Variants in ZFHX3 observed in about 807,000 individuals in gnomAD.
The protein encoded by ZFHX3 is zinc finger homeobox 3.
Under a neutral mutation model 279.1 loss-of-function variants are expected in ZFHX3, and 42 were observed. The ratio of observed to expected loss-of-function variants is 0.15; its 90% CI spans 0.12 to 0.19. The LOEUF (loss-of-function observed/expected upper bound fraction) is 0.19. ZFHX3 is among the 10% of genes least tolerant of loss of function. The pLI is 1.00. For synonymous variants in ZFHX3, 2,293 were observed against 1,957.8 expected, an observed-to-expected ratio of 1.17 and a Z score of -4.52; for missense variants, 4,981 against 4,754.0, an observed-to-expected ratio of 1.05 and a Z score of -1.40.
intron 5 of ZFHX3, among the ~76,000 whole-genome samples, chr16:73,243,422 C>G (rs1486592944): frequency 1.3e-5 from 2 of 152,206 alleles, no homozygotes; most frequent in Admixed American, 6.5e-5. Flanking sequence ...GCCAATCAAA[C>G]TGAGGATCCA....
In ZFHX3 at chr16:72,969,037, C is replaced by T. The variant is rs34972348; in HGVS notation, c.-49-8843G>A. Among the ~76,000 whole-genome samples the T allele has an allele frequency of 1.5e-3, 234 of 152,156 alleles. 1 individual carries two copies. The highest frequency in any genetic ancestry group is 2.6e-3 in the Non-Finnish European group (180 of 67,998). On this transcript the variant is annotated intron_variant, in intron 1 of 9. Transcript: ENST00000268489. ...ATAGGAGGAGTCTAGAAGGAGGACACGAGAATTCTTTGTTCTACTGTTAAA... is the reference window on the plus strand; with the variant it reads ...ATAGGAGGAGTCTAGAAGGAGGACATGAGAATTCTTTGTTCTACTGTTAAA...
intron 1 of ZFHX3, among the ~76,000 whole-genome samples, chr16:73,754,386 C>T (rs1483029192): frequency 6.6e-6 from 1 of 151,998 alleles, no homozygotes; most frequent in South Asian, 2.1e-4. Flanking sequence ...TTCTTGACTC[C>T]GGGAAGAGAG....
chr16:73,802,946 G>A (rs1960182287), intron 1 of ZFHX3, among the ~76,000 whole-genome samples: 1 of 152,008 alleles, frequency 6.6e-6, no homozygotes, highest in African/African-American at 2.4e-5. Flanking sequence ...GCCTCCTGAG[G>A]AGCTGGGATC....
chr16:73,777,114 A>G (rs1033333113), intron 1 of ZFHX3, among the ~76,000 whole-genome samples: 2 of 152,018 alleles, frequency 1.3e-5, no homozygotes, highest in Non-Finnish European at 2.9e-5. Context: ...ATCGATCCTA[A>G]TTGCTGTGGT....
chr16:73,152,185 GTC>G (rs2144846887), intron 5 of ZFHX3, among the ~76,000 whole-genome samples: 1 of 152,270 alleles, frequency 6.6e-6, no homozygotes, highest in African/African-American at 2.4e-5. Flanking sequence ...CTCAACTCCA[GTC>G]AGTCATAACA....
At chr16:73,287,632 A>ATTGGTGTGTGGCTGTGTGGG (rs2014656902) in intron 4 of ZFHX3, among the ~76,000 whole-genome samples, 2 of 35,360 alleles carry the variant, frequency 5.7e-5, no homozygotes, top group African/African-American at 2.2e-4. Flanking sequence ...GGCTGTGTGG[A>ATTGGTGTGTGGCTGTGTGGG]TTGGTGTGTG....
intron 4 of ZFHX3, among the ~76,000 whole-genome samples, chr16:73,311,201 C>A (rs1375059263): frequency 6.6e-6 from 1 of 152,038 alleles, no homozygotes; most frequent in Non-Finnish European, 1.5e-5. Flanking sequence ...CCACTGCAAT[C>A]CAGACTGGGG....
At chr16:73,651,816 C>A (rs1484419311) in intron 2 of ZFHX3, among the ~76,000 whole-genome samples, 1 of 146,630 alleles carries the variant, frequency 6.8e-6, no homozygotes, top group Non-Finnish European at 1.5e-5. Context: ...GATCACGCCA[C>A]TGCACTCCAG....
Position 72,797,942 on chromosome 16 carries a change from T to G in ZFHX3, c.4740A>C (p.Ser1580=), listed in dbSNP as rs756523442. ...TGGTGGGTTCTGGCTGACCGGTTGCTGATTCTTGAAGGGCTCTCTTTAACT... is the reference window on the plus strand; with the variant it reads ...TGGTGGGTTCTGGCTGACCGGTTGCGGATTCTTGAAGGGCTCTCTTTAACT... The part of the protein sequence containing the change: ...LHKLKRALQE[S]ATGQPEPTSS... Residue 1580 remains serine, a synonymous_variant, in exon 9 of 10, where the codon TCA becomes TCC. Coordinates refer to ENST00000268489, the MANE Select transcript of ZFHX3 (RefSeq NM_006885.4). 6.2e-7 allele frequency: 1 copy of G among 1,614,218 alleles called. No individual in the cohort carries two copies. Among genetic ancestry groups the G allele is most frequent in the Admixed American group, 1.7e-5 (1 of 60,036 alleles).
At chr16:73,611,836 A>T (rs2052250059) in intron 2 of ZFHX3, among the ~76,000 whole-genome samples, 1 of 152,162 alleles carries the variant, frequency 6.6e-6, no homozygotes, top group Non-Finnish European at 1.5e-5. Context: ...GCAAAATATG[A>T]TCCTAAAAAT....
At chr16:73,886,605 T>C (rs977427764) in intron 1 of ZFHX3, among the ~76,000 whole-genome samples, 1 of 152,202 alleles carries the variant, frequency 6.6e-6, no homozygotes, top group African/African-American at 2.4e-5. Flanking sequence ...AGCTCCTCTG[T>C]AGTATCACAA....
In ZFHX3 at chr16:72,815,786, T is replaced by C. The variant is rs2036586704; in HGVS notation, c.3530-3748A>G. 5.3e-5 allele frequency among the ~76,000 whole-genome samples: 8 copies of C among 152,358 alleles called. No homozygotes were observed. The South Asian group carries it at 1.7e-3, about 32-fold the overall frequency. ...TGCACTCCAGAGACAAGACATAGTT[T>C]AGACAATTGGTGTCTGGAACCTTTG... On this transcript the variant is annotated intron_variant, in intron 5 of 9. Coordinates refer to ENST00000268489, the MANE Select transcript of ZFHX3 (RefSeq NM_006885.4).
intron 3 of ZFHX3, among the ~76,000 whole-genome samples, chr16:72,892,016 G>A (rs2038785103): frequency 6.6e-6 from 1 of 152,208 alleles, no homozygotes; most frequent in African/African-American, 2.4e-5. Context: ...TGCACTCCAC[G>A]CAATCCTGAA....
At chr16:73,296,356 G>T (rs185989745) in intron 4 of ZFHX3, among the ~76,000 whole-genome samples, 55 of 152,236 alleles carry the variant, frequency 3.6e-4, no homozygotes, top group Admixed American at 2.9e-3. Context: ...GGAAGGATGG[G>T]AGAACTTTAA....
At chr16:73,278,861 T>C (rs1036655060) in intron 4 of ZFHX3, among the ~76,000 whole-genome samples, 2 of 152,206 alleles carry the variant, frequency 1.3e-5, no homozygotes, top group South Asian at 2.1e-4. Flanking sequence ...AGAGTGCTGA[T>C]TGGTGCATTT....
At chr16:73,818,527 G>C (rs1193500090) in intron 1 of ZFHX3, among the ~76,000 whole-genome samples, 1 of 152,176 alleles carries the variant, frequency 6.6e-6, no homozygotes, top group Non-Finnish European at 1.5e-5. Context: ...CTAGGAAAGG[G>C]TCAGCAGGGG....
At chr16:73,048,448 C>G (rs1321120718), upstream of ZFHX3, 2 of 152,046 alleles carry the variant, frequency 1.3e-5, no homozygotes, top group East Asian at 3.9e-4. Flanking sequence ...CCCGCGCACC[C>G]GCCTGGGGCC....
chr16:73,397,835 T>G (rs1208677586), intron 3 of ZFHX3, among the ~76,000 whole-genome samples: 1 of 151,962 alleles, frequency 6.6e-6, no homozygotes, highest in African/African-American at 2.4e-5. Context: ...TCAAGAGGCC[T>G]GTTTTGTTTT....
Position 72,807,545 on chromosome 16 carries a change from C to G in ZFHX3, c.3864+4032G>C, listed in dbSNP as rs551487936. 6 of 152,292 alleles carry G rather than the reference C, an allele frequency of 3.9e-5. No homozygotes were observed. The East Asian group carries it at 5.8e-4, about 15-fold the overall frequency. 9.4% of individuals were successfully genotyped at this position (152,292 alleles called of 1,614,324 possible). On this transcript the variant is annotated intron_variant, in intron 7 of 9. Coordinates refer to ENST00000268489, the MANE Select transcript of ZFHX3 (RefSeq NM_006885.4). ...GACACTGCAGGTTCCTGAAAGCTGT[C>G]TGATAAGGTATTATTAAATGAAGCC...
Sources: allele counts gnomAD v4.1 joint callset (sites outside exome capture counted in the v4.1 genomes callset), GRCh38; gene constraint gnomAD v4.1.1; transcripts MANE v1.5; gene names NCBI Gene and HGNC (gene_info 2026-07-23, HGNC 2026-07-21).